The following LRRC4C variants were observed in gnomAD, a reference collection of about 807,000 sequenced individuals.
LRRC4C encodes the protein leucine-rich repeat-containing protein 4C.
In LRRC4C, 5 loss-of-function variants were observed where a neutral mutation model predicts 33.6. That is an observed-to-expected ratio of 0.15 (90% confidence interval 0.08 to 0.31). The LOEUF is 0.31. LRRC4C is among the 10% of genes least tolerant of loss of function. The pLI is 1.00. For synonymous variants in LRRC4C, 329 were observed against 302.0 expected (o/e 1.09, Z -0.93); for missense variants, 560 against 796.7 (o/e 0.70, Z 3.58).
At chr11:41,320,405 G>A (rs184327010) in intron 1 of LRRC4C, among the ~76,000 whole-genome samples, 2 of 152,206 alleles carry the variant, frequency 1.3e-5, no homozygotes, top group African/African-American at 4.8e-5. Context: ...TTTTTCAGAT[G>A]GTGACTCACT....
chr11:40,808,026 T>A (rs2135356376), intron 2 of LRRC4C, among the ~76,000 whole-genome samples: 1 of 152,290 alleles, frequency 6.6e-6, no homozygotes, highest in Non-Finnish European at 1.5e-5. Context: ...GCAAGTGACT[T>A]AATAACCTGT....
Position 41,430,792 on chromosome 11 carries a change from G to GTA in LRRC4C, c.-496+28637_-496+28638dup, listed in dbSNP as rs369549804. On this transcript the variant is annotated intron_variant, in intron 1 of 6. Transcript: ENST00000528697. ...ACTTTGAGTGTACCTATATTTTTGT[G>GTA]TATATATATATATATCTTTATTTTC... Among the ~76,000 whole-genome samples the GTA allele has an allele frequency of 2.9e-3, 440 of 150,466 alleles. 1 individual carries two copies. The highest frequency in any genetic ancestry group is 5.0e-3 in the African/African-American group (206 of 41,130).
intron 2 of LRRC4C, among the ~76,000 whole-genome samples, chr11:40,737,629 G>C: frequency 1.3e-5 from 2 of 151,880 alleles, no homozygotes; most frequent in Middle Eastern, 6.8e-3. Context: ...AACTGCTACA[G>C]AGAGAATAAA....
chr11:41,419,290 A>G (rs530418476), intron 1 of LRRC4C, among the ~76,000 whole-genome samples: 1 of 152,080 alleles, frequency 6.6e-6, no homozygotes, highest in South Asian at 2.1e-4. Flanking sequence ...GTCAATTTGT[A>G]CAGTCATAGG....
rs949502432 is a variant in LRRC4C at position 40,114,416 on chromosome 11, A to G, written c.1877T>C (p.Leu626Ser). 6.2e-7 allele frequency: 1 copy of G among 1,613,936 alleles called. No homozygotes were observed. The highest frequency in any genetic ancestry group is 8.5e-7 in the Non-Finnish European group (1 of 1,179,996). ...SIHSSVHEPL[L>S]IRMNSKDNVQ... Reference sequence around the variant, plus strand: ...ATTGTCTTTAGAGTTCATTCGGATCAATAACGGTTCATGCACTGAACTGTG... The same window carrying G: ...ATTGTCTTTAGAGTTCATTCGGATCGATAACGGTTCATGCACTGAACTGTG... The change falls in exon 7 of 7, where the codon TTG (leucine) becomes TCG (serine). Residue 626 changes from leucine to serine, a missense_variant. Leu to Ser is a moderately radical substitution (Grantham distance 145). Around this residue, in one of 3 missense-constraint regions of LRRC4C, gnomAD observed 103 missense variants for 132.1 expected, o/e 0.78. Transcript: ENST00000528697.
chr11:40,710,104 G>C (rs181199855), intron 2 of LRRC4C, among the ~76,000 whole-genome samples: 1 of 152,036 alleles, frequency 6.6e-6, no homozygotes, highest in Non-Finnish European at 1.5e-5. Context: ...CTTTTTTCAA[G>C]GTTTTTAGCT....
At chr11:40,598,397 T>A (rs1336239854) in intron 3 of LRRC4C, among the ~76,000 whole-genome samples, 3 of 152,070 alleles carry the variant, frequency 2.0e-5, no homozygotes, top group African/African-American at 4.8e-5. Context: ...GAGGAAAAAA[T>A]TTATCCAATT....
chr11:40,500,791 A>G (rs1317447242), intron 3 of LRRC4C, among the ~76,000 whole-genome samples: 2 of 152,004 alleles, frequency 1.3e-5, no homozygotes, highest in East Asian at 3.9e-4. Flanking sequence ...CCCCTGCCAA[A>G]TCTCATGTCC....
intron 2 of LRRC4C, among the ~76,000 whole-genome samples, chr11:40,907,043 G>A (rs952974285): frequency 6.6e-6 from 1 of 152,138 alleles, no homozygotes. Flanking sequence ...TGTCAGGAGG[G>A]AGAGGGCTTG....
intron 2 of LRRC4C, among the ~76,000 whole-genome samples, chr11:40,722,487 C>T (rs944787498): frequency 9.9e-5 from 15 of 152,138 alleles, no homozygotes; most frequent in African/African-American, 3.4e-4. Flanking sequence ...ACCAAGAAAC[C>T]CACATTGAGC....
At chr11:40,873,497 G>A (rs1954748008) in intron 2 of LRRC4C, among the ~76,000 whole-genome samples, 1 of 152,086 alleles carries the variant, frequency 6.6e-6, no homozygotes. Context: ...CTCTATCACT[G>A]GACCTAAGGA....
At chr11:40,543,637 A>G (rs895059962) in intron 3 of LRRC4C, among the ~76,000 whole-genome samples, 3 of 152,146 alleles carry the variant, frequency 2.0e-5, no homozygotes, top group Non-Finnish European at 4.4e-5. Flanking sequence ...TCTGAAGAAG[A>G]AAAATAATAT....
intron 1 of LRRC4C, among the ~76,000 whole-genome samples, chr11:41,171,429 G>T (rs533510769): frequency 3.9e-5 from 6 of 152,122 alleles, no homozygotes; most frequent in East Asian, 1.9e-4. Context: ...GCCATAAAAA[G>T]GATGAGTTCA....
At chr11:41,209,078 A>C (rs1590939280) in intron 1 of LRRC4C, among the ~76,000 whole-genome samples, 2 of 151,804 alleles carry the variant, frequency 1.3e-5, no homozygotes, top group South Asian at 4.1e-4. Flanking sequence ...TCAGAAAGAA[A>C]AAAAAAAAAA....
At chr11:41,074,709 C>A (rs971896444) in intron 1 of LRRC4C, among the ~76,000 whole-genome samples, 18 of 152,148 alleles carry the variant, frequency 1.2e-4, no homozygotes, top group Admixed American at 1.2e-3. Context: ...GGAATTACAT[C>A]TGGAGTCCAT....
At chr11:40,991,394 T>C (rs1853551293) in intron 1 of LRRC4C, among the ~76,000 whole-genome samples, 1 of 152,108 alleles carries the variant, frequency 6.6e-6, no homozygotes, top group Non-Finnish European at 1.5e-5. Flanking sequence ...GTTAGGCTAA[T>C]GCCTTATAAT....
intron 1 of LRRC4C, among the ~76,000 whole-genome samples, chr11:41,134,564 T>C (rs1943171798): frequency 6.6e-6 from 1 of 152,190 alleles, no homozygotes; most frequent in Non-Finnish European, 1.5e-5. Flanking sequence ...CACCACAGAC[T>C]GGCTTAAAAC....
intron 1 of LRRC4C, among the ~76,000 whole-genome samples, chr11:41,326,387 T>A (rs1951118547): frequency 6.6e-6 from 1 of 152,072 alleles, no homozygotes; most frequent in Non-Finnish European, 1.5e-5. Flanking sequence ...GGACTCAAAC[T>A]GTTTTCCTTG....
At chr11:40,356,438 A>T (rs1358868638) in intron 3 of LRRC4C, among the ~76,000 whole-genome samples, 1 of 152,194 alleles carries the variant, frequency 6.6e-6, no homozygotes, top group Non-Finnish European at 1.5e-5. Flanking sequence ...CAATTATTCT[A>T]TGATGTTGTT....
Sources: gnomAD v4.1 joint callset for allele counts (sites outside exome capture counted in the v4.1 genomes callset) on GRCh38, gnomAD v4.1.1 for gene constraint, gnomAD v4.1.1 regional missense constraint, MANE v1.5 for transcripts, NCBI Gene and HGNC (gene_info 2026-07-23, HGNC 2026-07-21) for gene names.